Variants in ZNF143 observed in about 807,000 individuals in gnomAD.
ZNF143 encodes zinc finger protein 143, also known as SPH-binding factor.
In ZNF143, 49 loss-of-function variants were observed where a neutral mutation model predicts 74.1. That is an observed-to-expected ratio of 0.66 (90% CI 0.53 to 0.84). The LOEUF (loss-of-function observed/expected upper bound fraction) is 0.84. Ranked by LOEUF, ZNF143 falls within the 40% of genes least tolerant of loss-of-function variation. The probability of loss-of-function intolerance (pLI) is 0.00; values close to 1 mark genes in which losing one functional copy is unlikely to be tolerated. For synonymous variants in ZNF143, 304 were observed against 282.8 expected, an observed-to-expected ratio of 1.07 and a Z score of -0.75; for missense variants, 637 against 793.4, an observed-to-expected ratio of 0.80 and a Z score of 2.37.
intron 11 of ZNF143, among the ~76,000 whole-genome samples, chr11:9,502,022 C>T (rs1181124008): frequency 1.4e-5 from 2 of 144,542 alleles, no homozygotes; most frequent in African/African-American, 2.6e-5. Flanking sequence ...CTGCAACCTC[C>T]GCCTCCCAGG....
At chr11:9,516,639 A>G (rs1016881676) in intron 14 of ZNF143, among the ~76,000 whole-genome samples, 1 of 152,218 alleles carries the variant, frequency 6.6e-6, no homozygotes, top group African/African-American at 2.4e-5. Flanking sequence ...AGTGGTAGCT[A>G]TTCCTATTAT....
chr11:9,509,244 G>A (rs537275418), intron 12 of ZNF143, among the ~76,000 whole-genome samples: 1 of 152,332 alleles, frequency 6.6e-6, no homozygotes, highest in South Asian at 2.1e-4. Context: ...TGGCCAGTTA[G>A]GGCAGTTCTG....
chr11:9,523,344 C>T (rs1849005195), intron 14 of ZNF143, among the ~76,000 whole-genome samples: 1 of 152,144 alleles, frequency 6.6e-6, no homozygotes. Flanking sequence ...GTGAGTTGCA[C>T]TGAAAGCTCT....
intron 12 of ZNF143, 139 bp from the exon 13 acceptor site, chr11:9,512,309 C>T: frequency 2.8e-6 from 3 of 1,083,750 alleles, no homozygotes; most frequent in Non-Finnish European, 3.8e-6. Flanking sequence ...GGAAGGAGGT[C>T]CTGGAAGCCA....
intron 1 of ZNF143, among the ~76,000 whole-genome samples, chr11:9,464,493 C>G (rs576686110): frequency 6.6e-6 from 1 of 151,720 alleles, no homozygotes; most frequent in Admixed American, 6.6e-5. Flanking sequence ...CCCAGCTACT[C>G]GGGAGGCTGA....
chr11:9,482,164 G>GA (rs1284856574), intron 7 of ZNF143, among the ~76,000 whole-genome samples: 10 of 149,490 alleles, frequency 6.7e-5, no homozygotes, highest in African/African-American at 2.5e-4. Context: ...TAGAGGCAGG[G>GA]TTTCACCATG....
At chr11:9,501,742 T>C (rs1300156956) in intron 11 of ZNF143, among the ~76,000 whole-genome samples, 2 of 151,828 alleles carry the variant, frequency 1.3e-5, no homozygotes, top group Admixed American at 6.6e-5. Context: ...CACAAAGGTA[T>C]GAAAAAGCAT....
chr11:9,511,549 G>T (rs546439520), intron 12 of ZNF143, among the ~76,000 whole-genome samples: 4 of 149,710 alleles, frequency 2.7e-5, no homozygotes, highest in African/African-American at 7.4e-5. Context: ...TGATCCGCCC[G>T]CCTTGGCCTC....
intron 5 of ZNF143, among the ~76,000 whole-genome samples, chr11:9,475,908 A>ATATGTG (rs1232225104): frequency 8.5e-6 from 1 of 117,674 alleles, no homozygotes; most frequent in South Asian, 2.8e-4. Flanking sequence ...AAAAAAATAT[A>ATATGTG]TATGTGTGTG....
intron 2 of ZNF143, 130 bp downstream of exon 2, chr11:9,471,550 G>GT: frequency 1.7e-6 from 1 of 592,958 alleles, no homozygotes; most frequent in Non-Finnish European, 2.7e-6. Flanking sequence ...GAGGTGTTTT[G>GT]GTGTTTTTTT....
chr11:9,485,086 C>T (rs1044669929), intron 7 of ZNF143, among the ~76,000 whole-genome samples: 2 of 150,706 alleles, frequency 1.3e-5, no homozygotes, highest in East Asian at 1.9e-4. Flanking sequence ...CGTGACCCAC[C>T]GCGCCCGGCC....
chr11:9,509,043 G>A (rs11826225), intron 12 of ZNF143, among the ~76,000 whole-genome samples, 197 bp downstream of exon 12: 1,928 of 152,276 alleles, frequency 0.013, 37 homozygotes, highest in African/African-American at 0.044. Context: ...ATGTTAGTTT[G>A]GGAGGTCAAG....
chr11:9,498,998 T>C (rs932995514), intron 10 of ZNF143, among the ~76,000 whole-genome samples: 1 of 152,144 alleles, frequency 6.6e-6, no homozygotes, highest in African/African-American at 2.4e-5. Context: ...ATTTCCAAGC[T>C]CCCATAAATT....
chr11:9,484,003 C>T (rs1847356122), intron 7 of ZNF143, among the ~76,000 whole-genome samples: 1 of 151,478 alleles, frequency 6.6e-6, no homozygotes, highest in South Asian at 2.1e-4. Context: ...CCGCCTCAGC[C>T]TCCCAAAGTG....
chr11:9,477,586 A>G (rs1857013617), intron 5 of ZNF143, among the ~76,000 whole-genome samples: 1 of 152,060 alleles, frequency 6.6e-6, no homozygotes, highest in Non-Finnish European at 1.5e-5. Flanking sequence ...AGAGTTAGTC[A>G]CAGGTTCATT....
At chr11:9,525,637 T>G (rs1849098986) in intron 15 of ZNF143, among the ~76,000 whole-genome samples, 1 of 152,180 alleles carries the variant, frequency 6.6e-6, no homozygotes, top group Admixed American at 6.6e-5. Flanking sequence ...TATATCCCTG[T>G]GTGCACCCAC....
intron 5 of ZNF143, among the ~76,000 whole-genome samples, chr11:9,477,646 A>C (rs1236834841): frequency 2.0e-5 from 3 of 152,150 alleles, no homozygotes; most frequent in Non-Finnish European, 4.4e-5. Context: ...ATATCGATAT[A>C]AAATCACTAT....
At position 9,508,629 on chromosome 11, in the gene ZNF143, A is replaced by T; in HGVS notation, c.1158A>T (p.Pro386=). The change falls in exon 12 of 16, where the codon CCA becomes CCT. Residue 386 remains proline, a synonymous_variant. Coordinates refer to ENST00000396602, the MANE Select transcript of ZNF143 (RefSeq NM_003442.6). The part of the protein sequence containing the change: ...NHVRIHTGEK[P]YVCTVPGCDK... Reference sequence around the variant, plus strand: ...GGTGTTGCTCTTTAGGAGAAAAGCCATATGTTTGTACAGTTCCTGGGTGTG... The same window carrying T: ...GGTGTTGCTCTTTAGGAGAAAAGCCTTATGTTTGTACAGTTCCTGGGTGTG... The T allele has an allele frequency of 6.2e-7, 1 of 1,611,648 alleles. No individual in the cohort carries two copies. Among genetic ancestry groups the T allele is most frequent in the Admixed American group, 1.7e-5 (1 of 60,028 alleles).
intron 7 of ZNF143, among the ~76,000 whole-genome samples, chr11:9,485,126 G>A (rs1306088571): frequency 1.3e-5 from 2 of 150,672 alleles, no homozygotes; most frequent in African/African-American, 2.5e-5. Flanking sequence ...AATATTTTTA[G>A]TGTTTTTTTT....
Sources: gnomAD v4.1 joint callset for allele counts (sites outside exome capture counted in the v4.1 genomes callset) on GRCh38, gnomAD v4.1.1 for gene constraint, MANE v1.5 for transcripts, NCBI Gene and HGNC (gene_info 2026-07-23, HGNC 2026-07-21) for gene names.